Variants in ILKAP observed in about 807,000 individuals in gnomAD.
ILKAP encodes integrin-linked kinase-associated serine/threonine phosphatase 2C.
A neutral mutation model predicts 49.1 loss-of-function variants in ILKAP; 11 were observed. That is an observed-to-expected ratio of 0.22 (90% CI 0.14 to 0.37). The LOEUF is 0.37. Ranked by LOEUF, ILKAP falls within the 10% of genes least tolerant of loss-of-function variation. The probability of loss-of-function intolerance (pLI) is 1.00; values close to 1 mark genes in which losing one functional copy is unlikely to be tolerated. For missense variants in ILKAP, 363 were observed against 510.8 expected (o/e 0.71, Z 2.79); for synonymous variants, 186 against 192.8 (o/e 0.96, Z 0.29).
chr2:238,194,763 T>A (rs372079020), intron 2 of ILKAP, 42 bp downstream of exon 2: 3 of 1,577,936 alleles, frequency 1.9e-6, no homozygotes, highest in African/African-American at 1.3e-5. Context: ...CCAGGATGAG[T>A]AGAGACGTTG....
chr2:238,199,174 T>C (rs942981911), intron 1 of ILKAP, among the ~76,000 whole-genome samples: 6 of 152,208 alleles, frequency 3.9e-5, no homozygotes, highest in South Asian at 4.1e-4. Flanking sequence ...CAGCCACACA[T>C]GGGAAGCATC....
rs551898785 is a variant in ILKAP at position 238,192,757 on chromosome 2, G to T, written c.178+1518C>A. 1.3e-3 allele frequency among the ~76,000 whole-genome samples: 200 copies of T among 150,934 alleles called. 1 individual carries two copies. Among genetic ancestry groups the T allele is most frequent in the Non-Finnish European group, 2.2e-3 (152 of 67,914 alleles). On this transcript the variant is annotated intron_variant, in intron 3 of 11. Coordinates refer to ENST00000254654, the MANE Select transcript of ILKAP (RefSeq NM_030768.3). Reference sequence around the variant, plus strand: ...CGGCTGGGTGCAGTGGCTCACGCCTGTAATCTCAGCACTTTGGGAGGCTGA... The same window carrying T: ...CGGCTGGGTGCAGTGGCTCACGCCTTTAATCTCAGCACTTTGGGAGGCTGA...
In ILKAP at chr2:238,170,567, A is replaced by ACGTTGT; in HGVS notation, c.1142_1147dup (p.Asp381_Asn382dup). ...CCCTATCCGCACCACCATCACAGTG[A>ACGTTGT]CGTTGTCGGCCGAGCCCCGCTGCAC... On this transcript the variant is annotated inframe_insertion, in exon 12 of 12. Transcript: ENST00000254654. 1 of 1,607,062 alleles carries ACGTTGT rather than the reference A, an allele frequency of 6.2e-7. No individual in the cohort carries two copies. Among genetic ancestry groups the ACGTTGT allele is most frequent in the Non-Finnish European group, 8.5e-7 (1 of 1,174,560 alleles).
At chr2:238,187,283 T>C (rs552045376) in intron 5 of ILKAP, among the ~76,000 whole-genome samples, 3 of 152,284 alleles carry the variant, frequency 2.0e-5, no homozygotes, top group East Asian at 3.9e-4. Flanking sequence ...CCTCTACATA[T>C]GATCAGCTGC....
chr2:238,185,127 A>T, intron 6 of ILKAP, 54 bp downstream of exon 6: 1 of 1,132,752 alleles, frequency 8.8e-7, no homozygotes, highest in Non-Finnish European at 1.3e-6. Flanking sequence ...TCACACAGCC[A>T]ACCAAACAGC....
At position 238,198,135 on chromosome 2, in the gene ILKAP, T is replaced by C. The variant is rs373251553; in HGVS notation, c.56-3265A>G. ...AAAATCTCTGGAAATAATTTTTGCATCATCAAAAGAATCTAACTTAGAAGT... is the reference window on the plus strand; with the variant it reads ...AAAATCTCTGGAAATAATTTTTGCACCATCAAAAGAATCTAACTTAGAAGT... On this transcript the variant is annotated intron_variant, in intron 1 of 11. Coordinates refer to ENST00000254654, the MANE Select transcript of ILKAP (RefSeq NM_030768.3). Among the ~76,000 whole-genome samples, 46 of 152,182 alleles carry C rather than the reference T, an allele frequency of 3.0e-4. No homozygotes were observed. In the East Asian group the frequency reaches 5.2e-3, roughly 17 times the overall value.
chr2:238,184,736 T>G (rs1693834437), intron 6 of ILKAP, among the ~76,000 whole-genome samples: 1 of 149,374 alleles, frequency 6.7e-6, no homozygotes. Flanking sequence ...AGGTTTGTTT[T>G]TTTTTTTTAT....
intron 9 of ILKAP, among the ~76,000 whole-genome samples, chr2:238,177,974 T>A (rs1421724990): frequency 1.3e-5 from 2 of 151,964 alleles, no homozygotes. Context: ...CTGTAATTTA[T>A]AAAGGGAAAA....
At chr2:238,203,374 C>T (rs1352968140) in intron 1 of ILKAP, 125 bp downstream of exon 1, 3 of 260,284 alleles carry the variant, frequency 1.2e-5, no homozygotes, top group Non-Finnish European at 1.3e-5. Context: ...AGGAGCAGGC[C>T]CCGTGCAGCC....
At chr2:238,182,323 T>C in intron 8 of ILKAP, 137 bp from the exon 9 acceptor site, 1 of 995,068 alleles carries the variant, frequency 1.0e-6, no homozygotes, top group African/African-American at 1.6e-5. Context: ...CTCCTGCTGA[T>C]AAACGTAAGT....
At chr2:238,198,719 CT>C (rs979968661) in intron 1 of ILKAP, among the ~76,000 whole-genome samples, 40 of 150,392 alleles carry the variant, frequency 2.7e-4, no homozygotes, top group African/African-American at 6.4e-4. Context: ...TCATCTAGAA[CT>C]TTTTTTTTTC....
chr2:238,199,898 C>T lies in ILKAP; in HGVS notation c.55+3601G>A, dbSNP rs554084836. Among the ~76,000 whole-genome samples, 16 of 152,116 alleles carry T rather than the reference C, an allele frequency of 1.1e-4. No homozygotes were observed. In the South Asian group the frequency reaches 3.1e-3, roughly 30 times the overall value. ...CCAAAGCGCTGGGATTACAAGTATG[C>T]GCCATCGAGCCCAGCCTCCAATTTT... is the stretch of plus-strand genomic sequence containing the variant. On this transcript the variant is annotated intron_variant, in intron 1 of 11. Transcript: ENST00000254654.
rs1288684058 is a variant in ILKAP, at chr2:238,189,841, T to C, written c.298+12A>G. 2 of 1,612,448 alleles carry C rather than the reference T, an allele frequency of 1.2e-6. No homozygotes were observed. The highest frequency in any genetic ancestry group is 1.7e-6 in the Non-Finnish European group (2 of 1,178,972). On this transcript the variant is annotated intron_variant, in intron 4 of 11. Transcript: ENST00000254654. ...GAAGTCTAATACATTTGTTTTCAAA[T>C]TGTCTGAAAACCTTTACAAACTTTC...
intron 3 of ILKAP, among the ~76,000 whole-genome samples, chr2:238,190,877 T>TAAAAA (rs57511265): frequency 3.2e-5 from 3 of 95,130 alleles, no homozygotes; most frequent in East Asian, 4.2e-4. Context: ...CGTTTCTCTT[T>TAAAAA]AAAAAAAAAA....
Position 238,170,526 on chromosome 2 carries a change from G to A in ILKAP, c.*10C>T, listed in dbSNP as rs774112202. Reference sequence around the variant, plus strand: ...CAATACCATGCGTGCTCCTGGCCGCGCGCCACCCCTCAGTGCCCTATCCGC... The same window carrying A: ...CAATACCATGCGTGCTCCTGGCCGCACGCCACCCCTCAGTGCCCTATCCGC... On this transcript the variant is annotated 3_prime_UTR_variant, in exon 12 of 12. Coordinates refer to ENST00000254654, the MANE Select transcript of ILKAP (RefSeq NM_030768.3). 86 of 1,582,424 alleles carry A rather than the reference G, an allele frequency of 5.4e-5. No individual in the cohort carries two copies. The Middle Eastern group carries it at 8.4e-4, about 15-fold the overall frequency.
intron 3 of ILKAP, among the ~76,000 whole-genome samples, chr2:238,192,272 C>G (rs1694162957): frequency 6.6e-6 from 1 of 151,570 alleles, no homozygotes; most frequent in African/African-American, 2.4e-5. Context: ...AGACACCTTA[C>G]AGGTTTGTTA....
At chr2:238,196,086 CTTTTTT>C (rs34504570) in intron 1 of ILKAP, among the ~76,000 whole-genome samples, 6 of 77,466 alleles carry the variant, frequency 7.7e-5, no homozygotes, top group African/African-American at 1.6e-4. Flanking sequence ...AACCAATTCA[CTTTTTT>C]TTTTTTTTTT....
chr2:238,203,665 G>C lies in ILKAP; in HGVS notation c.-112C>G, dbSNP rs1357905043. 1.9e-6 allele frequency: 1 copy of C among 515,538 alleles called. No homozygotes were observed. The highest frequency in any genetic ancestry group is 2.1e-5 in the African/African-American group (1 of 48,154). 31.9% of individuals were successfully genotyped at this position (515,538 alleles called of 1,614,324 possible). The stretch of plus-strand genomic sequence containing the variant: ...AGCGGGCGGGCGACGGGCAGGGGCG[G>C]CCGGCGCCGTCAGTCACCTGCAGGG... On this transcript the variant is annotated 5_prime_UTR_variant, in exon 1 of 12. Transcript: ENST00000254654.
chr2:238,178,294 G>C (rs1351145999), intron 9 of ILKAP, among the ~76,000 whole-genome samples: 1 of 152,184 alleles, frequency 6.6e-6, no homozygotes, highest in Non-Finnish European at 1.5e-5. Flanking sequence ...TGACCCTTCT[G>C]TCTCAGCCAC....
Sources: gnomAD v4.1 joint callset for allele counts (sites outside exome capture counted in the v4.1 genomes callset) on GRCh38, gnomAD v4.1.1 for gene constraint, MANE v1.5 for transcripts, NCBI Gene and HGNC (gene_info 2026-07-23, HGNC 2026-07-21) for gene names.